ITGA9: variants seen among roughly 807,000 people sequenced by gnomAD.
ITGA9 encodes integrin alpha-9.
A neutral mutation model predicts 127.8 loss-of-function variants in ITGA9; 56 were observed. That is an observed-to-expected ratio of 0.44 (90% CI 0.35 to 0.55). The LOEUF is 0.55. Among genes scored for constraint, ITGA9 ranks in the 20% least tolerant of loss-of-function variants. The pLI is 0.00. For synonymous variants in ITGA9, 508 were observed against 514.5 expected (o/e 0.99, Z 0.17); for missense variants, 1,196 against 1,347.1 (o/e 0.89, Z 1.76).
intron 15 of ITGA9, among the ~76,000 whole-genome samples, chr3:37,545,016 A>G (rs1317530749): frequency 1.3e-5 from 2 of 152,252 alleles, no homozygotes; most frequent in Admixed American, 6.5e-5. Flanking sequence ...AGGAGGCAGC[A>G]GGCACCGCCC....
At chr3:37,548,330 G>T (rs151162138) in intron 15 of ITGA9, among the ~76,000 whole-genome samples, 2 of 152,112 alleles carry the variant, frequency 1.3e-5, no homozygotes, top group African/African-American at 4.8e-5. Flanking sequence ...CTTCAAAGAG[G>T]GATGAGACAA....
intron 16 of ITGA9, among the ~76,000 whole-genome samples, chr3:37,633,023 G>A (rs1486564022): frequency 2.6e-5 from 4 of 152,082 alleles, no homozygotes; most frequent in Non-Finnish European, 5.9e-5. Context: ...GCAAGATGTG[G>A]GATACAAGAA....
At chr3:37,624,743 A>T (rs1700160906) in intron 15 of ITGA9, among the ~76,000 whole-genome samples, 1 of 151,962 alleles carries the variant, frequency 6.6e-6, no homozygotes, top group African/African-American at 2.4e-5. Flanking sequence ...AGTAGCTGGG[A>T]TTATAGGCGT....
chr3:37,562,748 T>C lies in ITGA9; in HGVS notation c.1689+20163T>C, dbSNP rs545592396. ...TCCTGAATCTGACATTTGTTCCTCT[T>C]TCATCCTATACTTCCCTGGGCATGA... is the stretch of plus-strand genomic sequence containing the variant. On this transcript the variant is annotated intron_variant, in intron 15 of 27. Coordinates refer to ENST00000264741, the MANE Select transcript of ITGA9 (RefSeq NM_002207.3). 2.6e-5 allele frequency among the ~76,000 whole-genome samples: 4 copies of C among 152,318 alleles called. No individual in the cohort carries two copies. The South Asian group carries it at 8.3e-4, about 32-fold the overall frequency.
chr3:37,707,936 G>A (rs544032744), intron 18 of ITGA9, among the ~76,000 whole-genome samples: 4 of 152,276 alleles, frequency 2.6e-5, no homozygotes, highest in African/African-American at 4.8e-5. Context: ...ACCCCTTCCC[G>A]AGTGCTTCCT....
intron 15 of ITGA9, among the ~76,000 whole-genome samples, chr3:37,591,424 G>A (rs1172390291): frequency 6.6e-6 from 1 of 152,202 alleles, no homozygotes; most frequent in Non-Finnish European, 1.5e-5. Context: ...TCCTGCAGTG[G>A]ACTGAGTGCC....
chr3:37,466,090 C>G (rs184208556), intron 1 of ITGA9, among the ~76,000 whole-genome samples: 2 of 152,186 alleles, frequency 1.3e-5, no homozygotes, highest in African/African-American at 4.8e-5. Flanking sequence ...TGATCCTGCC[C>G]GCAATGAGCC....
intron 20 of ITGA9, among the ~76,000 whole-genome samples, chr3:37,737,629 C>T (rs1262146483): frequency 2.0e-5 from 3 of 152,144 alleles, no homozygotes; most frequent in Middle Eastern, 3.2e-3. Context: ...ATCCAGCATG[C>T]CTTGAAGCAG....
chr3:37,507,676 A>G (rs1375786686), intron 7 of ITGA9, among the ~76,000 whole-genome samples: 2 of 152,228 alleles, frequency 1.3e-5, no homozygotes, highest in African/African-American at 4.8e-5. Context: ...GAAACTGGTC[A>G]TAGTGACAAA....
intron 15 of ITGA9, among the ~76,000 whole-genome samples, chr3:37,617,174 T>A (rs1454726916): frequency 6.6e-6 from 1 of 152,240 alleles, no homozygotes; most frequent in Non-Finnish European, 1.5e-5. Context: ...ACAAAATCTC[T>A]CAGCATTTGC....
At chr3:37,568,427 A>G (rs911952594) in intron 15 of ITGA9, among the ~76,000 whole-genome samples, 2 of 152,212 alleles carry the variant, frequency 1.3e-5, no homozygotes, top group Non-Finnish European at 1.5e-5. Flanking sequence ...ATGGCGATTA[A>G]CATTTGGCTC....
chr3:37,618,035 A>G (rs573374624), intron 15 of ITGA9, among the ~76,000 whole-genome samples: 35 of 151,940 alleles, frequency 2.3e-4, no homozygotes, highest in Admixed American at 1.9e-3. Flanking sequence ...GAGGAGAGGC[A>G]CTCTCATTTT....
chr3:37,564,407 T>C (rs1163871693), intron 15 of ITGA9, among the ~76,000 whole-genome samples: 1 of 152,240 alleles, frequency 6.6e-6, no homozygotes, highest in African/African-American at 2.4e-5. Context: ...TCACCATTTA[T>C]AGACTTCCAT....
At chr3:37,781,056 G>A (rs570110277) in intron 25 of ITGA9, among the ~76,000 whole-genome samples, 7 of 152,134 alleles carry the variant, frequency 4.6e-5, no homozygotes, top group East Asian at 3.8e-4. Flanking sequence ...TTAATAAATC[G>A]GCATCTTCAT....
intron 16 of ITGA9, among the ~76,000 whole-genome samples, chr3:37,651,993 C>G (rs957774838): frequency 1.3e-5 from 2 of 152,162 alleles, no homozygotes; most frequent in African/African-American, 4.8e-5. Flanking sequence ...CTTCACCTCT[C>G]CATGCCTCAC....
Position 37,821,595 on chromosome 3 carries a change from C to T in ITGA9, c.*2606C>T, listed in dbSNP as rs971888554. 2 of 152,166 alleles carry T rather than the reference C, an allele frequency of 1.3e-5. No individual in the cohort carries two copies. Among genetic ancestry groups the T allele is most frequent in the Admixed American group, 1.3e-4 (2 of 15,280 alleles). The allele number at this position is 152,166 out of a possible 1,614,324, so 9.4% of individuals were successfully genotyped here. ...CATGCACTTAGAGCAACTAACTTGC[C>T]TCCTGCCGGGGTGTAGGTGCGTTGG... is the stretch of plus-strand genomic sequence containing the variant. On this transcript the variant is annotated 3_prime_UTR_variant, in exon 28 of 28. Transcript: ENST00000264741.
chr3:37,470,837 A>C (rs1004354073), intron 1 of ITGA9, among the ~76,000 whole-genome samples, 170 bp from the exon 2 acceptor site: 1 of 152,198 alleles, frequency 6.6e-6, no homozygotes, highest in African/African-American at 2.4e-5. Context: ...GAAAGATCTA[A>C]CAGGTTTCAC....
chr3:37,761,510 C>T (rs775294013), intron 23 of ITGA9, among the ~76,000 whole-genome samples: 5 of 152,022 alleles, frequency 3.3e-5, no homozygotes, highest in Non-Finnish European at 7.4e-5. Flanking sequence ...TAGATTCAGA[C>T]CAAAAAGTAT....
At chr3:37,565,427 G>A (rs959758557) in intron 15 of ITGA9, among the ~76,000 whole-genome samples, 6 of 152,272 alleles carry the variant, frequency 3.9e-5, no homozygotes, top group East Asian at 1.9e-4. Context: ...ACAAGGCCAC[G>A]GAGGTCAAAG....
Sources: gnomAD v4.1 joint callset for allele counts (sites outside exome capture counted in the v4.1 genomes callset) on GRCh38, gnomAD v4.1.1 for gene constraint, MANE v1.5 for transcripts, NCBI Gene and HGNC (gene_info 2026-07-23, HGNC 2026-07-21) for gene names.